Variants in USP45 observed in about 807,000 individuals in gnomAD.
USP45 encodes the protein ubiquitin specific peptidase 45, also known as ubiquitin carboxyl-terminal hydrolase 45.
In USP45, 89 loss-of-function variants were observed where a neutral mutation model predicts 95.8. The observed-to-expected ratio is 0.93, with a 90% CI of 0.78 to 1.11. The LOEUF is 1.11. USP45 is among the 50% of genes least tolerant of loss of function. The pLI is 0.00. For synonymous variants in USP45, 281 were observed against 316.2 expected, an observed-to-expected ratio of 0.89 and a Z score of 1.18; for missense variants, 898 against 942.5, an observed-to-expected ratio of 0.95 and a Z score of 0.62.
intron 13 of USP45, among the ~76,000 whole-genome samples, chr6:99,452,987 T>G (rs1293818226): frequency 6.6e-6 from 1 of 151,702 alleles, no homozygotes; most frequent in Non-Finnish European, 1.5e-5. Flanking sequence ...TGAGAACACT[T>G]GGACACAGGA....
chr6:99,444,810 C>T (rs1782176058), intron 14 of USP45, among the ~76,000 whole-genome samples: 1 of 152,184 alleles, frequency 6.6e-6, no homozygotes, highest in Non-Finnish European at 1.5e-5. Context: ...CTGGTGCTTC[C>T]CTGTGTGGTC....
At chr6:99,458,924 A>C (rs1038345423) in intron 13 of USP45, among the ~76,000 whole-genome samples, 2 of 152,238 alleles carry the variant, frequency 1.3e-5, no homozygotes, top group Admixed American at 1.3e-4. Flanking sequence ...AAGGACACAC[A>C]AAAATTAACC....
chr6:99,515,770 CTTT>C (rs56926251), upstream of USP45, among the ~76,000 whole-genome samples: 17 of 88,458 alleles, frequency 1.9e-4, no homozygotes, highest in African/African-American at 6.3e-4. Flanking sequence ...CCTCTGAACT[CTTT>C]TTTTTTTTTT....
upstream of USP45, among the ~76,000 whole-genome samples, chr6:99,516,442 G>T (rs76708753): frequency 6.6e-6 from 1 of 152,164 alleles, no homozygotes; most frequent in Non-Finnish European, 1.5e-5. Context: ...CAGAAGATAC[G>T]AGAGTTAAAA....
chr6:99,446,192 C>T lies in USP45; in HGVS notation c.1580G>A (p.Gly527Asp), dbSNP rs771219515. Reference protein sequence around the residue: ...TGLFRSSSGSGVQPDGPLYPL... With the variant: ...TGLFRSSSGSDVQPDGPLYPL... ...GTAAAGGGGTCCATCTGGCTGCACA[C>T]CGGATCCACTACTGGATCTGAACAG... Residue 527 changes from glycine (G) to aspartate (D), a missense_variant, in exon 14 of 18, where the codon GGT becomes GAT. By Grantham distance (94) the Gly-to-Asp change is moderately conservative. Transcript: ENST00000500704. 6.2e-7 allele frequency: 1 copy of T among 1,614,168 alleles called. No individual in the cohort carries two copies. The highest frequency in any genetic ancestry group is 8.5e-7 in the Non-Finnish European group (1 of 1,180,036).
chr6:99,480,088 T>C (rs1202636731), intron 8 of USP45, among the ~76,000 whole-genome samples: 2 of 152,220 alleles, frequency 1.3e-5, no homozygotes, highest in South Asian at 2.1e-4. Flanking sequence ...AAAAATCAAC[T>C]GTATTTCTGT....
chr6:99,513,419 G>A (rs982904912), intron 1 of USP45, among the ~76,000 whole-genome samples: 1 of 151,982 alleles, frequency 6.6e-6, no homozygotes, highest in African/African-American at 2.4e-5. Context: ...ATAAGCAGAC[G>A]GCAAATTTGA....
chr6:99,483,786 C>T (rs575457482), intron 7 of USP45, among the ~76,000 whole-genome samples: 1 of 118,038 alleles, frequency 8.5e-6, no homozygotes, highest in South Asian at 3.0e-4. Context: ...TGCAGTGAGC[C>T]GAGATTGCGC....
intron 9 of USP45, among the ~76,000 whole-genome samples, chr6:99,469,053 T>C (rs968788738): frequency 6.6e-6 from 1 of 152,190 alleles, no homozygotes; most frequent in Non-Finnish European, 1.5e-5. Context: ...GCTATCAAGC[T>C]GGTTACTATA....
intron 4 of USP45, among the ~76,000 whole-genome samples, 197 bp downstream of exon 4, chr6:99,507,231 A>G (rs1798748542): frequency 6.6e-6 from 1 of 152,222 alleles, no homozygotes; most frequent in East Asian, 1.9e-4. Flanking sequence ...GTAGAGAGAT[A>G]GTTAAAATTT....
intron 13 of USP45, among the ~76,000 whole-genome samples, chr6:99,455,867 G>C (rs2128592588): frequency 6.7e-6 from 1 of 148,810 alleles, no homozygotes; most frequent in South Asian, 2.1e-4. Context: ...AGGCGCAGTG[G>C]CTCACACCTG....
At chr6:99,505,100 G>T (rs571732464) in intron 4 of USP45, among the ~76,000 whole-genome samples, 1 of 152,244 alleles carries the variant, frequency 6.6e-6, no homozygotes, top group Non-Finnish European at 1.5e-5. Context: ...TAACTGCCAG[G>T]CTTCTAGCTT....
chr6:99,507,571 T>C, intron 3 of USP45, 40 bp from the exon 4 acceptor site: 2 of 1,361,356 alleles, frequency 1.5e-6, no homozygotes, highest in Non-Finnish European at 2.1e-6. Flanking sequence ...GACTTACAAA[T>C]GTTTGTTTCA....
At chr6:99,437,193 G>A (rs533691246) in intron 17 of USP45, 53 bp downstream of exon 17, 1 of 1,535,338 alleles carries the variant, frequency 6.5e-7, no homozygotes, top group Non-Finnish European at 8.8e-7. Flanking sequence ...TCCCAGAAAA[G>A]GAAGCACATA....
chr6:99,440,603 A>G (rs1454444532), intron 15 of USP45, among the ~76,000 whole-genome samples: 1 of 152,248 alleles, frequency 6.6e-6, no homozygotes, highest in East Asian at 1.9e-4. Context: ...CATGACGTCA[A>G]TGACTGATCT....
intron 13 of USP45, among the ~76,000 whole-genome samples, chr6:99,449,587 G>A (rs924167130): frequency 6.6e-6 from 1 of 152,140 alleles, no homozygotes; most frequent in Non-Finnish European, 1.5e-5. Flanking sequence ...AATAATGGGA[G>A]ACTTTAACAC....
intron 13 of USP45, chr6:99,462,685 TAA>T: frequency 2.0e-6 from 2 of 985,662 alleles, no homozygotes; most frequent in Non-Finnish European, 2.4e-6. Flanking sequence ...TCTAACAGAG[TAA>T]GTTAAATTCA....
intron 5 of USP45, among the ~76,000 whole-genome samples, chr6:99,495,131 G>A (rs1334198969): frequency 1.3e-5 from 2 of 152,124 alleles, no homozygotes; most frequent in African/African-American, 4.8e-5. Flanking sequence ...GGGCACTATT[G>A]TCAACTATAC....
chr6:99,437,097 A>T, intron 17 of USP45, 149 bp downstream of exon 17: 2 of 830,282 alleles, frequency 2.4e-6, no homozygotes, highest in Non-Finnish European at 1.8e-6. Context: ...ACTCTGTCTC[A>T]ATCAATCAAT....
Sources: gnomAD v4.1 joint callset for allele counts (sites outside exome capture counted in the v4.1 genomes callset) on GRCh38, gnomAD v4.1.1 for gene constraint, MANE v1.5 for transcripts, NCBI Gene and HGNC (gene_info 2026-07-23, HGNC 2026-07-21) for gene names.